Variants in RAB1A observed in about 807,000 individuals in gnomAD.
RAB1A encodes ras-related protein Rab-1A.
A neutral mutation model predicts 26.0 loss-of-function variants in RAB1A; 2 were observed. The observed-to-expected ratio is 0.08, with a 90% CI of 0.03 to 0.24. The LOEUF (loss-of-function observed/expected upper bound fraction) is 0.24, where lower values mean the gene tolerates loss of function less well. Among genes scored for constraint, RAB1A ranks in the 10% least tolerant of loss-of-function variants. The pLI, the probability that RAB1A is intolerant of heterozygous loss-of-function variation, is 1.00. For synonymous variants in RAB1A, 84 were observed against 84.9 expected (o/e 0.99, Z 0.06); for missense variants, 100 against 247.0 (o/e 0.40, Z 3.99).
At chr2:65,094,103 T>G (rs1669231339) in intron 3 of RAB1A, among the ~76,000 whole-genome samples, 1 of 152,022 alleles carries the variant, frequency 6.6e-6, no homozygotes, top group African/African-American at 2.4e-5. Flanking sequence ...CTGAGTACCT[T>G]GAACTACAGG....
intron 1 of RAB1A, chr2:65,114,149 A>G: frequency 2.1e-6 from 1 of 465,870 alleles, no homozygotes; most frequent in South Asian, 1.6e-5. Context: ...GGGTTAAATG[A>G]GAATATACTG....
In RAB1A at chr2:65,129,936, C is replaced by A. The variant is rs1427281051; in HGVS notation, c.-21G>T. The A allele has an allele frequency of 6.3e-7, 1 of 1,581,618 alleles. No individual in the cohort carries two copies. The highest frequency in any genetic ancestry group is 8.6e-7 in the Non-Finnish European group (1 of 1,165,540). On this transcript the variant is annotated 5_prime_UTR_variant, in exon 1 of 6. Transcript: ENST00000409784. ...GACATGTCACTGCAGCTGCCGCCGC[C>A]GCCACCGCCGCCCTTGCTGCCGCAG...
intron 3 of RAB1A, among the ~76,000 whole-genome samples, chr2:65,093,364 G>A (rs2103826166): frequency 6.6e-6 from 1 of 152,228 alleles, no homozygotes; most frequent in South Asian, 2.1e-4. Context: ...AAAGCCTCAT[G>A]AATGAACAAT....
intron 1 of RAB1A, among the ~76,000 whole-genome samples, chr2:65,105,936 T>C (rs1326786445): frequency 1.3e-5 from 2 of 152,134 alleles, no homozygotes; most frequent in Non-Finnish European, 2.9e-5. Flanking sequence ...CTAATTTTTG[T>C]ATTTTTAGTA....
rs575150012 is a variant in RAB1A, at chr2:65,113,030, G to C, written c.24-8224C>G. Among the ~76,000 whole-genome samples the C allele has an allele frequency of 1.1e-3, 171 of 152,238 alleles. 1 individual carries two copies. Among genetic ancestry groups the C allele is most frequent in the South Asian group, 7.5e-3 (36 of 4,812 alleles). ...TCCAGACCAGCCTGGGCAACATAGA[G>C]AGAAGCCCCATCTCTTAAAGAAAAT... On this transcript the variant is annotated intron_variant, in intron 1 of 5. Coordinates refer to ENST00000409784, the MANE Select transcript of RAB1A (RefSeq NM_004161.5).
chr2:65,089,169 C>A, intron 4 of RAB1A, 99 bp from the exon 5 acceptor site: 1 of 1,152,278 alleles, frequency 8.7e-7, no homozygotes, highest in Non-Finnish European at 1.2e-6. Flanking sequence ...TAACAAAGAG[C>A]TAGTGAGACA....
intron 3 of RAB1A, among the ~76,000 whole-genome samples, chr2:65,093,975 CTT>C (rs57541246): frequency 2.0e-5 from 3 of 146,434 alleles, no homozygotes; most frequent in East Asian, 2.0e-4. Context: ...AGACCCTCTT[CTT>C]TTTTTTTTTT....
At chr2:65,110,080 A>G (rs1669659845) in intron 1 of RAB1A, among the ~76,000 whole-genome samples, 1 of 152,196 alleles carries the variant, frequency 6.6e-6, no homozygotes. Flanking sequence ...AATTTGTGCC[A>G]TCCTTGATTA....
intron 4 of RAB1A, among the ~76,000 whole-genome samples, chr2:65,089,354 A>C (rs1669115177): frequency 6.6e-6 from 1 of 151,980 alleles, no homozygotes; most frequent in South Asian, 2.1e-4. Context: ...CTGGGACTAC[A>C]GGCACATGCC....
intron 1 of RAB1A, among the ~76,000 whole-genome samples, chr2:65,121,105 C>CCTG (rs1193445785): frequency 6.6e-6 from 1 of 151,730 alleles, no homozygotes; most frequent in Non-Finnish European, 1.5e-5. Flanking sequence ...AAAAAATTAG[C>CCTG]CAGGCATGGT....
chr2:65,090,502 A>G (rs1033099187), intron 4 of RAB1A, among the ~76,000 whole-genome samples: 4 of 152,100 alleles, frequency 2.6e-5, no homozygotes, highest in African/African-American at 9.7e-5. Context: ...ACTCATTCTC[A>G]TACTAAGATC....
At chr2:65,098,402 AATG>A (rs1163986451) in intron 2 of RAB1A, among the ~76,000 whole-genome samples, 3 of 152,220 alleles carry the variant, frequency 2.0e-5, no homozygotes, top group Non-Finnish European at 4.4e-5. Context: ...TTATATTTTC[AATG>A]ATTATGAATA....
chr2:65,095,435 G>A (rs945324258), intron 3 of RAB1A, among the ~76,000 whole-genome samples: 1 of 151,686 alleles, frequency 6.6e-6, no homozygotes, highest in Non-Finnish European at 1.5e-5. Flanking sequence ...CTGCAGCCTT[G>A]AAGTCCTGGG....
intron 1 of RAB1A, among the ~76,000 whole-genome samples, chr2:65,122,233 C>G (rs114097684): frequency 6.7e-6 from 1 of 150,270 alleles, no homozygotes; most frequent in East Asian, 2.0e-4. Context: ...GCACACTACA[C>G]CCATTTTCAG....
At chr2:65,113,306 T>C (rs1669744962) in intron 1 of RAB1A, among the ~76,000 whole-genome samples, 2 of 152,162 alleles carry the variant, frequency 1.3e-5, no homozygotes, top group African/African-American at 4.8e-5. Flanking sequence ...CTGATGTATG[T>C]ACCTACGCCA....
intron 1 of RAB1A, among the ~76,000 whole-genome samples, chr2:65,121,026 C>T (rs942532152): frequency 2.0e-5 from 3 of 151,972 alleles, no homozygotes; most frequent in South Asian, 2.1e-4. Context: ...GAGGCTCAGG[C>T]AGGAGGATCA....
intron 1 of RAB1A, among the ~76,000 whole-genome samples, chr2:65,119,156 G>C (rs1284594536): frequency 1.3e-5 from 2 of 152,114 alleles, no homozygotes; most frequent in African/African-American, 4.8e-5. Flanking sequence ...AGTAAGCCAT[G>C]ATCTCACCAC....
In RAB1A at chr2:65,108,010, G is replaced by GCT. The variant is rs1048124983; in HGVS notation, c.24-3206_24-3205dup. 2.7e-5 allele frequency among the ~76,000 whole-genome samples: 4 copies of GCT among 148,738 alleles called. No homozygotes were observed. In the Admixed American group the frequency reaches 2.7e-4, roughly 10 times the overall value. ...ACTCAGGAGGTGGAGGTTGCAGTGAGCTCAGATCACACCACTGCACTCCAG... is the reference window on the plus strand; with the variant it reads ...ACTCAGGAGGTGGAGGTTGCAGTGAGCTCTCAGATCACACCACTGCACTCCAG... On this transcript the variant is annotated intron_variant, in intron 1 of 5. Coordinates refer to ENST00000409784, the MANE Select transcript of RAB1A (RefSeq NM_004161.5).
intron 3 of RAB1A, among the ~76,000 whole-genome samples, chr2:65,092,629 T>G (rs778760204): frequency 1.3e-5 from 2 of 152,216 alleles, no homozygotes; most frequent in African/African-American, 2.4e-5. Flanking sequence ...AAGTAAGCAA[T>G]GGCACCCAAA....
Sources: allele counts gnomAD v4.1 joint callset (sites outside exome capture counted in the v4.1 genomes callset), GRCh38; gene constraint gnomAD v4.1.1; transcripts MANE v1.5; gene names NCBI Gene and HGNC (gene_info 2026-07-23, HGNC 2026-07-21).